GUSB: variants seen among roughly 807,000 people sequenced by gnomAD.
GUSB encodes beta-glucuronidase.
A neutral mutation model predicts 74.6 loss-of-function variants in GUSB; 51 were observed. The ratio of observed to expected loss-of-function variants is 0.68; its 90% CI spans 0.55 to 0.86. GUSB has a LOEUF of 0.86. Ranked by LOEUF, GUSB falls within the 40% of genes least tolerant of loss-of-function variation. The pLI, the probability that GUSB is intolerant of heterozygous loss-of-function variation, is 0.00. For missense variants in GUSB, 736 were observed against 853.7 expected, an observed-to-expected ratio of 0.86 and a Z score of 1.72; for synonymous variants, 360 against 348.3, an observed-to-expected ratio of 1.03 and a Z score of -0.37.
intron 11 of GUSB, among the ~76,000 whole-genome samples, chr7:65,963,257 C>G (rs73372618): frequency 0.019 from 2,848 of 152,252 alleles, 59 homozygotes; most frequent in East Asian, 0.089. Flanking sequence ...ACGCAGAGGA[C>G]AGCTTCCTGT....
intron 1 of GUSB, among the ~76,000 whole-genome samples, chr7:65,981,174 A>G (rs1485624221): frequency 6.7e-6 from 1 of 148,666 alleles, no homozygotes; most frequent in African/African-American, 2.5e-5. Flanking sequence ...GGAGTTCGAG[A>G]CCACCCTGGG....
chr7:65,961,532 C>T (rs1790495483), intron 11 of GUSB, among the ~76,000 whole-genome samples: 1 of 152,134 alleles, frequency 6.6e-6, no homozygotes, highest in African/African-American at 2.4e-5. Context: ...CCCAGGTTCC[C>T]TGGTGTGTTA....
chr7:65,979,376 A>T (rs1468949661), intron 4 of GUSB, 23 bp downstream of exon 4: 1 of 1,611,308 alleles, frequency 6.2e-7, no homozygotes. Context: ...CCCCGCTGAG[A>T]GGATCCTACC....
At chr7:65,975,238 T>G (rs1791491307) in intron 5 of GUSB, 167 bp from the exon 6 acceptor site, 1 of 664,768 alleles carries the variant, frequency 1.5e-6, no homozygotes, top group Non-Finnish European at 2.7e-6. Flanking sequence ...CCTGGGAACC[T>G]GCCCTTCAAA....
chr7:65,972,981 C>A, intron 8 of GUSB, among the ~76,000 whole-genome samples: 1 of 152,232 alleles, frequency 6.6e-6, no homozygotes, highest in Non-Finnish European at 1.5e-5. Context: ...TCTCCTGCTT[C>A]TACCCCAAGT....
At position 65,974,690 on chromosome 7, in the gene GUSB, G is replaced by C; in HGVS notation, c.1080C>G (p.Gly360=). The change falls in exon 7 of 12, where the codon GGC becomes GGG. Residue 360 remains glycine (G), a synonymous_variant. Coordinates refer to ENST00000304895, the MANE Select transcript of GUSB (RefSeq NM_000181.4). Reference sequence around the variant, plus strand: ...CCTTCACCAGCAGCGGCCAGTCGAAGCCCTTCCCTCGGATCTAGGAGATAG... The same window carrying C: ...CCTTCACCAGCAGCGGCCAGTCGAACCCCTTCCCTCGGATCTAGGAGATAG... ...KHEDADIRGK[G]FDWPLLVKDF... The C allele has an allele frequency of 6.2e-7, 1 of 1,613,156 alleles. No homozygotes were observed. The highest frequency in any genetic ancestry group is 8.5e-7 in the Non-Finnish European group (1 of 1,180,036).
intron 2 of GUSB, 38 bp downstream of exon 2, chr7:65,980,186 C>CTG: frequency 4.7e-6 from 1 of 212,790 alleles, no homozygotes; most frequent in South Asian, 3.1e-5. Flanking sequence ...AGCAGCCGTG[C>CTG]CCCCCCACCC....
In GUSB at chr7:65,970,405, C is replaced by G. The variant is rs1170605968; in HGVS notation, c.1392-39G>C. 3 of 1,375,930 alleles carry G rather than the reference C, an allele frequency of 2.2e-6. No individual in the cohort carries two copies. In the South Asian group the frequency reaches 3.5e-5, roughly 16 times the overall value. The allele number at this position is 1,375,930 out of a possible 1,614,324, so 85.2% of individuals were successfully genotyped here. A position where few individuals can be genotyped will look rare whatever the true frequency, so the allele number is the denominator to read the frequency against. On this transcript the variant is annotated intron_variant, in intron 8 of 11. Coordinates refer to ENST00000304895, the MANE Select transcript of GUSB (RefSeq NM_000181.4). The stretch of plus-strand genomic sequence containing the variant: ...GCAGAAGAAACAGGTTCCATCAGTC[C>G]AGGAATGGCTCAGACACCCTCCCAT...
At chr7:65,973,915 G>A (rs1315498272) in intron 8 of GUSB, among the ~76,000 whole-genome samples, 3 of 151,280 alleles carry the variant, frequency 2.0e-5, no homozygotes, top group Non-Finnish European at 4.4e-5. Flanking sequence ...TGGGCAACCA[G>A]AGTGAGAACC....
At chr7:65,979,694 G>T (rs756936015) in intron 3 of GUSB, 33 bp downstream of exon 3, 2 of 1,604,316 alleles carry the variant, frequency 1.2e-6, no homozygotes, top group African/African-American at 2.7e-5. Flanking sequence ...GCGGGAAGGT[G>T]GGTGTGTGCA....
At chr7:65,980,196 C>G in intron 2 of GUSB, 28 bp downstream of exon 2, 1 of 1,330,726 alleles carries the variant, frequency 7.5e-7, no homozygotes, top group Non-Finnish European at 1.1e-6. Flanking sequence ...CCCCCCCACC[C>G]GCCCTGCCTG....
intron 10 of GUSB, among the ~76,000 whole-genome samples, chr7:65,965,496 G>A (rs536826720): frequency 4.5e-4 from 68 of 152,274 alleles, no homozygotes; most frequent in African/African-American, 1.5e-3. Context: ...ATTTCAGACA[G>A]TGCAAATATA....
chr7:65,980,193 A>AC, intron 2 of GUSB, 31 bp downstream of exon 2: 1 of 259,538 alleles, frequency 3.9e-6, no homozygotes, highest in South Asian at 2.3e-5. Flanking sequence ...GTGCCCCCCC[A>AC]CCCGCCCTGC....
intron 4 of GUSB, 119 bp downstream of exon 4, chr7:65,979,280 G>T: frequency 9.8e-7 from 1 of 1,024,868 alleles, no homozygotes; most frequent in South Asian, 1.3e-5. Context: ...ATAGGTGGAA[G>T]GGAATCTGTG....
In GUSB at chr7:65,977,801, T is replaced by C. The variant is rs151101990; in HGVS notation, c.724+1598A>G. 7.0e-3 allele frequency among the ~76,000 whole-genome samples: 1,065 copies of C among 151,746 alleles called. 11 individuals are homozygous for C. The highest frequency in any genetic ancestry group is 0.025 in the African/African-American group (1,021 of 41,446). On this transcript the variant is annotated intron_variant, in intron 4 of 11. Coordinates refer to ENST00000304895, the MANE Select transcript of GUSB (RefSeq NM_000181.4). ...CTCATCTCAGAAAAAGAAAAAGATATATATATATTTTTTTATTTTTATTTT... is the reference window on the plus strand; with the variant it reads ...CTCATCTCAGAAAAAGAAAAAGATACATATATATTTTTTTATTTTTATTTT...
Position 65,974,528 on chromosome 7 carries a change from C to G in GUSB, c.1242G>C (p.Leu414=), listed in dbSNP as rs367551992. The change falls in exon 7 of 12, where the codon CTG becomes CTC. Residue 414 remains leucine (L), a splice_region_variant and synonymous_variant. Transcript: ENST00000304895. ...GCAGGTGCACAGCAGAGACTCACGG[C>G]AGCGCCAGGCCCACGCCGGGACACT... The part of the protein sequence containing the change: ...IDECPGVGLA[L]PQFFNNVSLH... 6.2e-7 allele frequency: 1 copy of G among 1,614,034 alleles called. No individual in the cohort carries two copies. The highest frequency in any genetic ancestry group is 1.3e-5 in the African/African-American group (1 of 74,950).
At chr7:65,967,564 G>C (rs187795195) in intron 10 of GUSB, among the ~76,000 whole-genome samples, 167 bp downstream of exon 10, 1 of 152,278 alleles carries the variant, frequency 6.6e-6, no homozygotes, top group East Asian at 1.9e-4. Context: ...AAGTGAGTGG[G>C]GCACAGGCCT....
At chr7:65,964,130 G>T in intron 11 of GUSB, 193 bp downstream of exon 11, 1 of 649,502 alleles carries the variant, frequency 1.5e-6, no homozygotes, top group Non-Finnish European at 2.8e-6. Flanking sequence ...TGGGAGGCGG[G>T]GGCCTGATTG....
chr7:65,979,551 G>A lies in GUSB; in HGVS notation c.582-10C>T. ...GTAACCCTTGGGATACCTAGGATGG[G>A]AGGACTGTGGTTTGCTGGGCCCTTG... On this transcript the variant is annotated splice_polypyrimidine_tract_variant and intron_variant, in intron 3 of 11. Transcript: ENST00000304895. 15 of 1,614,082 alleles carry A rather than the reference G, an allele frequency of 9.3e-6. No homozygotes were observed. The highest frequency in any genetic ancestry group is 1.2e-5 in the Non-Finnish European group (14 of 1,179,976).
Sources: allele counts gnomAD v4.1 joint callset (sites outside exome capture counted in the v4.1 genomes callset), GRCh38; gene constraint gnomAD v4.1.1; transcripts MANE v1.5; gene names NCBI Gene and HGNC (gene_info 2026-07-23, HGNC 2026-07-21).